CACNA1C: variants seen among roughly 807,000 people sequenced by gnomAD.
CACNA1C encodes voltage-dependent L-type calcium channel subunit alpha-1C.
A neutral mutation model predicts 229.0 loss-of-function variants in CACNA1C; 30 were observed. The observed-to-expected ratio is 0.13, with a 90% CI of 0.10 to 0.18. CACNA1C has a LOEUF of 0.18. CACNA1C is among the 10% of genes least tolerant of loss of function. The pLI, the probability that CACNA1C is intolerant of heterozygous loss-of-function variation, is 1.00. For synonymous variants in CACNA1C, 1,114 were observed against 1,132.5 expected, an observed-to-expected ratio of 0.98 and a Z score of 0.33; for missense variants, 1,658 against 2,845.0, an observed-to-expected ratio of 0.58 and a Z score of 9.49.
intron 3 of CACNA1C, among the ~76,000 whole-genome samples, chr12:2,293,541 T>C (rs1010231195): frequency 6.6e-6 from 1 of 152,202 alleles, no homozygotes; most frequent in African/African-American, 2.4e-5. Flanking sequence ...GCATAAACTT[T>C]CATAAAACAG....
At chr12:2,037,147 C>T (rs2049291422) in intron 1 of CACNA1C, among the ~76,000 whole-genome samples, 1 of 152,206 alleles carries the variant, frequency 6.6e-6, no homozygotes, top group Admixed American at 6.5e-5. Context: ...GCTCTCTGAG[C>T]ATCCTGCCTC....
intron 2 of CACNA1C, among the ~76,000 whole-genome samples, chr12:2,116,824 C>T (rs2084132294): frequency 6.6e-6 from 1 of 152,142 alleles, no homozygotes; most frequent in Non-Finnish European, 1.5e-5. Flanking sequence ...AAGGATTCCT[C>T]CAGGCAGGAC....
In CACNA1C at chr12:2,678,212, G is replaced by T. The variant is rs1469491184; in HGVS notation, c.5091+345G>T. On this transcript the variant is annotated intron_variant, in intron 41 of 46. Transcript: ENST00000399655. This position sits in a 1 kb window ranked among gnomAD's most constrained non-coding sequence, Gnocchi z 4.1. The stretch of plus-strand genomic sequence containing the variant: ...CACATCTAATCTGCAGGCTTGTTTT[G>T]TTTGTTAATATTTGAAAATCAAGAC... Among the ~76,000 whole-genome samples, 5 of 152,150 alleles carry T rather than the reference G, an allele frequency of 3.3e-5. No individual in the cohort carries two copies. The highest frequency in any genetic ancestry group is 7.3e-5 in the Non-Finnish European group (5 of 68,032).
chr12:2,570,184 G>C (rs894030242), intron 13 of CACNA1C, among the ~76,000 whole-genome samples: 1 of 152,110 alleles, frequency 6.6e-6, no homozygotes, highest in African/African-American at 2.4e-5. Flanking sequence ...TGCTTTGGGG[G>C]CTCCCAAAAT....
At chr12:2,378,911 C>T (rs1277886300) in intron 3 of CACNA1C, among the ~76,000 whole-genome samples, 1 of 151,932 alleles carries the variant, frequency 6.6e-6, no homozygotes, top group Non-Finnish European at 1.5e-5. Flanking sequence ...TCTTCCTGGT[C>T]AATCCCATGT....
At chr12:2,219,569 A>C (rs2060903340) in intron 3 of CACNA1C, among the ~76,000 whole-genome samples, 1 of 152,258 alleles carries the variant, frequency 6.6e-6, no homozygotes, top group African/African-American at 2.4e-5. Flanking sequence ...CTGTAAGTAG[A>C]AAAGAACAAA....
rs898347301 is a variant in CACNA1C at position 2,654,889 on chromosome 12, C to T, written c.4141-258C>T. On this transcript the variant is annotated intron_variant, in intron 33 of 46. Transcript: ENST00000399655. The surrounding 1 kb of genome is among the most constrained non-coding windows in gnomAD (Gnocchi z 4.4). ...GGTCCCAGCATCCACCGCTCTCAGCCCCAGCTCCCACTGGGCTGCAGGGAC... is the reference window on the plus strand; with the variant it reads ...GGTCCCAGCATCCACCGCTCTCAGCTCCAGCTCCCACTGGGCTGCAGGGAC... Among the ~76,000 whole-genome samples the T allele has an allele frequency of 6.6e-6, 1 of 152,168 alleles. No homozygotes were observed. Among genetic ancestry groups the T allele is most frequent in the East Asian group, 1.9e-4 (1 of 5,178 alleles).
intron 45 of CACNA1C, among the ~76,000 whole-genome samples, chr12:2,687,538 CTTT>C (rs35920419): frequency 4.3e-5 from 6 of 138,174 alleles, no homozygotes; most frequent in East Asian, 4.2e-4. Context: ...TACCGTGTGA[CTTT>C]TTTTTTTTTT....
At chr12:1,972,923 TC>T (rs2032964162) in intron 1 of CACNA1C, among the ~76,000 whole-genome samples, 2 of 152,218 alleles carry the variant, frequency 1.3e-5, no homozygotes, top group South Asian at 2.1e-4. Context: ...CAGTAAACAC[TC>T]GAGCAGCAAT....
At chr12:2,576,503 C>T (rs1449504348) in intron 13 of CACNA1C, among the ~76,000 whole-genome samples, 1 of 152,148 alleles carries the variant, frequency 6.6e-6, no homozygotes, top group Non-Finnish European at 1.5e-5. Flanking sequence ...CTCTCCAAAG[C>T]TCTTGCCTTT....
intron 38 of CACNA1C, among the ~76,000 whole-genome samples, chr12:2,669,970 A>G (rs1338247465): frequency 6.6e-6 from 1 of 152,180 alleles, no homozygotes; most frequent in Admixed American, 6.5e-5. Flanking sequence ...ACCTAACAAG[A>G]TACCATTTCT....
At chr12:2,613,708 C>T (rs1029333437) in intron 29 of CACNA1C, 1 of 152,472 alleles carries the variant, frequency 6.6e-6, no homozygotes, top group African/African-American at 2.4e-5. Context: ...GTTGCCCTGA[C>T]ACCTTCCTTA....
intron 1 of CACNA1C, among the ~76,000 whole-genome samples, chr12:2,013,470 AT>A (rs1187265750): frequency 6.6e-6 from 1 of 152,176 alleles, no homozygotes; most frequent in Non-Finnish European, 1.5e-5. Context: ...ACTGCTCCTC[AT>A]TTTTTGGTTT....
At chr12:2,051,621 T>C (rs932969162), upstream of CACNA1C, among the ~76,000 whole-genome samples, 8 of 152,132 alleles carry the variant, frequency 5.3e-5, no homozygotes, top group South Asian at 6.2e-4. Context: ...TGAATTCACC[T>C]GAAGGTAGGG....
intron 10 of CACNA1C, among the ~76,000 whole-genome samples, chr12:2,552,342 T>C (rs1164699656): frequency 6.6e-6 from 1 of 152,162 alleles, no homozygotes; most frequent in African/African-American, 2.4e-5. Flanking sequence ...GTAAGTGTTA[T>C]GAAGGAAAAG....
At chr12:2,064,480 A>G (rs2058640323) in intron 1 of CACNA1C, among the ~76,000 whole-genome samples, 1 of 152,230 alleles carries the variant, frequency 6.6e-6, no homozygotes, top group African/African-American at 2.4e-5. Context: ...GCCCTGCCCC[A>G]GGCATGACTG....
At position 2,204,507 on chromosome 12, in the gene CACNA1C, A is replaced by G. The variant is rs553809476; in HGVS notation, c.477+84077A>G. Among the ~76,000 whole-genome samples, 8 of 151,458 alleles carry G rather than the reference A, an allele frequency of 5.3e-5. No individual in the cohort carries two copies. In the East Asian group the frequency reaches 9.8e-4, roughly 18 times the overall value. On this transcript the variant is annotated intron_variant, in intron 3 of 46. Coordinates refer to ENST00000399655, the MANE Select transcript of CACNA1C (RefSeq NM_000719.7). ...ACACATGCACACGTATGTTTATTGC[A>G]GCATTATTCACAATAGCAAAGACTT... is the stretch of plus-strand genomic sequence containing the variant.
intron 3 of CACNA1C, chr12:2,223,447 TAAG>T (rs1303945497): frequency 6.6e-6 from 1 of 152,180 alleles, no homozygotes; most frequent in Admixed American, 6.5e-5. Context: ...CTTCTGATCC[TAAG>T]AAGAGGACCC....
chr12:2,362,426 A>ATGTTTTTGTGGCACGCGGAAC (rs1771088258), intron 3 of CACNA1C, among the ~76,000 whole-genome samples: 1 of 152,094 alleles, frequency 6.6e-6, no homozygotes, highest in African/African-American at 2.4e-5. Context: ...CTCCTTCTGA[A>ATGTTTTTGTGGCACGCGGAAC]TCCTACATGT....
Sources: allele counts gnomAD v4.1 joint callset (sites outside exome capture counted in the v4.1 genomes callset), GRCh38; gene constraint gnomAD v4.1.1; non-coding constraint Gnocchi (gnomAD v3.1); transcripts MANE v1.5; gene names NCBI Gene and HGNC (gene_info 2026-07-23, HGNC 2026-07-21).